CAST: variants seen among roughly 807,000 people sequenced by gnomAD.
The protein encoded by CAST is calpastatin.
CAST carries 76 observed loss-of-function variants against 119.6 expected under a neutral mutation model. The ratio of observed to expected loss-of-function variants is 0.64; its 90% confidence interval spans 0.53 to 0.77. The LOEUF is 0.77. CAST is among the 30% of genes least tolerant of loss of function. The probability of loss-of-function intolerance (pLI) is 0.00; values close to 1 mark genes in which losing one functional copy is unlikely to be tolerated. For missense variants in CAST, 953 were observed against 946.5 expected (o/e 1.01, Z -0.09); for synonymous variants, 319 against 331.6 (o/e 0.96, Z 0.41).
intron 1 of CAST, among the ~76,000 whole-genome samples, chr5:96,653,869 T>C (rs1184563877): frequency 6.6e-6 from 1 of 152,152 alleles, no homozygotes; most frequent in Non-Finnish European, 1.5e-5. Context: ...GTGGTAGTTT[T>C]AGTCTAATAT....
At chr5:96,771,296 G>A (rs1350190270) in intron 30 of CAST, among the ~76,000 whole-genome samples, 1 of 152,090 alleles carries the variant, frequency 6.6e-6, no homozygotes, top group Non-Finnish European at 1.5e-5. Flanking sequence ...ATGATGAGTG[G>A]ATTTACTGGA....
At chr5:96,609,976 T>C (rs1747329856) in intron 1 of CAST, among the ~76,000 whole-genome samples, 1 of 152,066 alleles carries the variant, frequency 6.6e-6, no homozygotes, top group Non-Finnish European at 1.5e-5. Context: ...AATGATATGG[T>C]TTGGCTGTGT....
intron 1 of CAST, among the ~76,000 whole-genome samples, chr5:96,569,749 C>T (rs1746540025): frequency 6.6e-6 from 1 of 152,232 alleles, no homozygotes; most frequent in Non-Finnish European, 1.5e-5. Context: ...ATCACTGATC[C>T]AGTACAATAT....
chr5:96,622,660 G>A (rs1013171543), intron 1 of CAST, among the ~76,000 whole-genome samples: 1 of 152,040 alleles, frequency 6.6e-6, no homozygotes, highest in Admixed American at 6.6e-5. Context: ...GGAGAAGTTT[G>A]GGTTCAATTA....
the CAST span, among the ~76,000 whole-genome samples, chr5:96,395,564 T>C: frequency 6.6e-6 from 1 of 152,164 alleles, no homozygotes; most frequent in Admixed American, 6.6e-5. Context: ...ACACTGAATG[T>C]TCTCACTCAT....
At chr5:96,129,706 T>C in the CAST span, among the ~76,000 whole-genome samples, 1 of 152,218 alleles carries the variant, frequency 6.6e-6, no homozygotes, top group Non-Finnish European at 1.5e-5. Flanking sequence ...ATCAGAGATA[T>C]TTTTCTATAT....
the CAST span, among the ~76,000 whole-genome samples, chr5:96,476,919 G>A: frequency 8.0e-6 from 1 of 125,430 alleles, no homozygotes; most frequent in African/African-American, 3.1e-5. Flanking sequence ...CAGTCATGAT[G>A]TGGATGGCAA....
chr5:96,215,959 C>T, the CAST span, among the ~76,000 whole-genome samples: 2 of 152,040 alleles, frequency 1.3e-5, no homozygotes, highest in Non-Finnish European at 2.9e-5. Flanking sequence ...AGGCACACGC[C>T]ACCACACCCA....
chr5:96,476,130 C>T, the CAST span, among the ~76,000 whole-genome samples: 11 of 152,146 alleles, frequency 7.2e-5, no homozygotes, highest in African/African-American at 2.4e-4. Flanking sequence ...AAGCTATTGA[C>T]CAGCAAATCT....
At position 96,755,502 on chromosome 5, in the gene CAST, CACA is replaced by C. The variant is rs1462921425; in HGVS notation, c.1710+766_1710+768del. Among the ~76,000 whole-genome samples, 6 of 152,308 alleles carry C rather than the reference CACA, an allele frequency of 3.9e-5. No homozygotes were observed. In the East Asian group the frequency reaches 1.2e-3, roughly 29 times the overall value. ...TTCTATTTTGAAAGTACAGATTGTA[CACA>C]ACAAGGGGGAAGACCCCATTATGAG... is the stretch of plus-strand genomic sequence containing the variant. On this transcript the variant is annotated intron_variant, in intron 22 of 31. Coordinates refer to ENST00000675179, the MANE Select transcript of CAST (RefSeq NM_001750.7).
At chr5:96,236,095 A>ATCTGTCTGTCTGTCTGTCTGTCTATCTG in the CAST span, among the ~76,000 whole-genome samples, 33 of 151,222 alleles carry the variant, frequency 2.2e-4, no homozygotes, top group African/African-American at 7.0e-4. Context: ...CTGTCTGTCT[A>ATCTGTCTGTCTGTCTGTCTGTCTATCTG]TCTGTCTGTC....
the CAST span, among the ~76,000 whole-genome samples, chr5:96,282,306 G>C: frequency 6.6e-5 from 10 of 152,216 alleles, no homozygotes; most frequent in African/African-American, 2.4e-4. Context: ...TGTGTCAACT[G>C]AGAGGCAAAA....
At chr5:96,604,369 C>T (rs1747214296) in intron 1 of CAST, among the ~76,000 whole-genome samples, 1 of 152,106 alleles carries the variant, frequency 6.6e-6, no homozygotes, top group Admixed American at 6.5e-5. Context: ...ATATTCAAGA[C>T]CTTAGAAATT....
the CAST span, among the ~76,000 whole-genome samples, chr5:95,996,973 C>CA: frequency 3.9e-3 from 587 of 148,942 alleles, 5 homozygotes; most frequent in African/African-American, 0.013. Flanking sequence ...AATAGTAAAA[C>CA]AAAAAAAAAG....
rs1554067776 is a variant in CAST, at chr5:96,561,786, G to GTTTTTT, written c.60+31910_60+31915dup. Reference sequence around the variant, plus strand: ...ATGTATATATGTGTATTATATATATGTTTTTTTTTGTTTTTTTTTTTTTTG... The same window carrying GTTTTTT: ...ATGTATATATGTGTATTATATATATGTTTTTTTTTTTTTTTGTTTTTTTTTTTTTTG... On this transcript the variant is annotated intron_variant, in intron 1 of 11. Coordinates refer to the CAST transcript ENST00000505143. 3.8e-5 allele frequency among the ~76,000 whole-genome samples: 4 copies of GTTTTTT among 105,428 alleles called. 1 individual carries two copies. The highest frequency in any genetic ancestry group is 7.5e-5 in the Non-Finnish European group (4 of 53,550). The allele number at this position is 105,428 out of a possible 152,430, so 69.2% of individuals were successfully genotyped here.
chr5:96,188,628 TC>T, the CAST span, among the ~76,000 whole-genome samples: 1 of 152,158 alleles, frequency 6.6e-6, no homozygotes, highest in East Asian at 1.9e-4. Flanking sequence ...CCTGTGTCTT[TC>T]CCTCCCCCCT....
the CAST span, among the ~76,000 whole-genome samples, chr5:96,457,195 C>T: frequency 6.6e-6 from 1 of 152,142 alleles, no homozygotes; most frequent in South Asian, 2.1e-4. Context: ...TCACATCTGA[C>T]TAATTCTTAG....
chr5:96,410,860 G>A, the CAST span: 1 of 1,614,076 alleles, frequency 6.2e-7, no homozygotes, highest in Non-Finnish European at 8.5e-7. Context: ...GATAGGCCTT[G>A]CTGGGAGGCA....
At chr5:96,389,061 A>C in the CAST span, among the ~76,000 whole-genome samples, 1 of 152,044 alleles carries the variant, frequency 6.6e-6, no homozygotes, top group African/African-American at 2.4e-5. Context: ...AAATAGATGG[A>C]AATGTAGAGT....
Sources: gnomAD v4.1 joint callset for allele counts (sites outside exome capture counted in the v4.1 genomes callset) on GRCh38, gnomAD v4.1.1 for gene constraint, MANE v1.5 for transcripts, NCBI Gene and HGNC (gene_info 2026-07-23, HGNC 2026-07-21) for gene names.